CREB5: variants seen among roughly 807,000 people sequenced by gnomAD.
The protein encoded by CREB5 is cyclic AMP-responsive element-binding protein 5.
In CREB5, 19 loss-of-function variants were observed where a neutral mutation model predicts 57.1. That is an observed-to-expected ratio of 0.33 (90% CI 0.23 to 0.49). The LOEUF (loss-of-function observed/expected upper bound fraction) is 0.49, where lower values mean the gene tolerates loss of function less well. Ranked by LOEUF, CREB5 falls within the 20% of genes least tolerant of loss-of-function variation. The pLI is 0.99. For missense variants in CREB5, 579 were observed against 671.6 expected (o/e 0.86, Z 1.52); for synonymous variants, 238 against 238.3 (o/e 1.00, Z 0.01).
rs909633393 is a variant in CREB5, at chr7:28,823,770, C to T, written c.*4491C>T. ...TAGAAAGCCTTGCACTATTCAGCTC[C>T]CTTAGTGCTTTTTGTCCCTTCCCGA... On this transcript the variant is annotated 3_prime_UTR_variant, in exon 11 of 11. Transcript: ENST00000357727. 1 of 152,516 alleles carries T rather than the reference C, an allele frequency of 6.6e-6. No individual in the cohort carries two copies. Among genetic ancestry groups the T allele is most frequent in the Admixed American group, 6.6e-5 (1 of 15,262 alleles). The allele number at this position is 152,516 out of a possible 1,614,324, so 9.4% of individuals were successfully genotyped here.
At chr7:28,557,078 T>A (rs1794910697) in intron 4 of CREB5, among the ~76,000 whole-genome samples, 1 of 142,296 alleles carries the variant, frequency 7.0e-6, no homozygotes, top group East Asian at 1.9e-4. Context: ...TACAATCTGT[T>A]CCCACCTTTG....
rs144905441 is a variant in CREB5, at chr7:28,473,719, G to A, written c.4-14456G>A. Among the ~76,000 whole-genome samples, 336 of 152,346 alleles carry A rather than the reference G, an allele frequency of 2.2e-3. 4 individuals are homozygous for A. The South Asian group carries it at 0.034, about 16-fold the overall frequency. ...AATGAGGCTGGAAGCAGCCAAGCCC[G>A]GGCAGGGATCTGAGGTCAGTGGATG... On this transcript the variant is annotated intron_variant, in intron 1 of 10. Coordinates refer to ENST00000357727, the MANE Select transcript of CREB5 (RefSeq NM_182898.4).
At chr7:28,379,406 T>G (rs1205342933) in intron 1 of CREB5, among the ~76,000 whole-genome samples, 1 of 152,226 alleles carries the variant, frequency 6.6e-6, no homozygotes, top group Non-Finnish European at 1.5e-5. Context: ...TGAGAGCTAT[T>G]GTCTTTGAGA....
chr7:28,412,970 G>A (rs990915937), intron 1 of CREB5, 53 bp downstream of exon 1: 5 of 1,371,404 alleles, frequency 3.6e-6, no homozygotes, highest in Non-Finnish European at 4.8e-6. Context: ...TTTGCACTTA[G>A]TTAAATAGAA....
intron 1 of CREB5, among the ~76,000 whole-genome samples, chr7:28,371,488 T>C (rs1296709362): frequency 3.5e-5 from 2 of 57,770 alleles, no homozygotes; most frequent in African/African-American, 1.3e-4. Flanking sequence ...GACTACTCCA[T>C]CTCAAAAAAA....
At position 28,488,240 on chromosome 7, in the gene CREB5, C is replaced by T. The variant is rs777874943; in HGVS notation, c.69C>T (p.Cys23=). 6.8e-6 allele frequency: 11 copies of T among 1,613,602 alleles called. No individual in the cohort carries two copies. Among genetic ancestry groups the T allele is most frequent in the South Asian group, 3.3e-5 (3 of 91,036 alleles). ...CGTTTGTCTGCAGTGCCCCAGGCTGCTCCCAGGTGAGTGTGCGGATCCTCC... is the reference window on the plus strand; with the variant it reads ...CGTTTGTCTGCAGTGCCCCAGGCTGTTCCCAGGTGAGTGTGCGGATCCTCC... ...ERPFVCSAPG[C]SQRFPTEDHL... The change falls in exon 2 of 11, where the codon TGC becomes TGT. Residue 23 remains cysteine (C), a synonymous_variant. Transcript: ENST00000357727.
At chr7:28,427,131 C>T (rs765111755) in intron 1 of CREB5, among the ~76,000 whole-genome samples, 3 of 152,296 alleles carry the variant, frequency 2.0e-5, no homozygotes, top group Non-Finnish European at 2.9e-5. Flanking sequence ...ATGAATCCAT[C>T]GCCAAGAGTC....
chr7:28,603,608 A>G (rs1316283319), intron 5 of CREB5, among the ~76,000 whole-genome samples: 1 of 152,238 alleles, frequency 6.6e-6, no homozygotes, highest in Non-Finnish European at 1.5e-5. Flanking sequence ...GTCTTTGTTG[A>G]CAGTGGCTGC....
At position 28,326,648 on chromosome 7, in the gene CREB5, T is replaced by TTACTACCCTA. The variant is rs544882822; in HGVS notation, c.-25+27208_-25+27217dup. On this transcript the variant is annotated intron_variant, in intron 1 of 9. Coordinates refer to the CREB5 transcript ENST00000396299. ...GTGGCCAGAATATCTGTCCTCATGG[T>TTACTACCCTA]TACTACCCTAGACCTTGTGTCTCTG... is the stretch of plus-strand genomic sequence containing the variant. Among the ~76,000 whole-genome samples, 15 of 152,342 alleles carry TTACTACCCTA rather than the reference T, an allele frequency of 9.8e-5. No individual in the cohort carries two copies. The East Asian group carries it at 2.7e-3, about 27-fold the overall frequency.
At chr7:28,463,889 C>A (rs1465428249) in intron 1 of CREB5, among the ~76,000 whole-genome samples, 1 of 152,058 alleles carries the variant, frequency 6.6e-6, no homozygotes, top group Non-Finnish European at 1.5e-5. Context: ...TTTAATGGGT[C>A]CTTTCCAATC....
At chr7:28,449,664 C>A (rs1186013329) in intron 1 of CREB5, among the ~76,000 whole-genome samples, 1 of 152,180 alleles carries the variant, frequency 6.6e-6, no homozygotes, top group Admixed American at 6.5e-5. Flanking sequence ...TATGACTATG[C>A]AATTCGTGTT....
At chr7:28,426,171 C>T (rs1347209826) in intron 1 of CREB5, among the ~76,000 whole-genome samples, 2 of 152,188 alleles carry the variant, frequency 1.3e-5, no homozygotes, top group Non-Finnish European at 2.9e-5. Context: ...TCCTCTCTTG[C>T]TCTACTATGT....
intron 5 of CREB5, among the ~76,000 whole-genome samples, chr7:28,663,781 T>G (rs368196019): frequency 3.5e-4 from 54 of 152,220 alleles, no homozygotes; most frequent in African/African-American, 1.3e-3. Context: ...GTGTTTGTGT[T>G]AATTTATTCT....
chr7:28,399,627 G>GT (rs1787410136), intron 1 of CREB5, among the ~76,000 whole-genome samples: 1 of 152,106 alleles, frequency 6.6e-6, no homozygotes, highest in Non-Finnish European at 1.5e-5. Context: ...ACCATATACA[G>GT]AAATTTGGCC....
chr7:28,476,677 G>A (rs1290417816), intron 1 of CREB5, among the ~76,000 whole-genome samples: 1 of 152,052 alleles, frequency 6.6e-6, no homozygotes, highest in South Asian at 2.1e-4. Flanking sequence ...TTACTTTTCA[G>A]CATTAAAAGC....
chr7:28,626,495 A>AGTG (rs986329258), intron 5 of CREB5, among the ~76,000 whole-genome samples: 4 of 152,136 alleles, frequency 2.6e-5, no homozygotes, highest in Non-Finnish European at 5.9e-5. Context: ...AGGTTAAGTA[A>AGTG]CCTGCCCGTA....
At chr7:28,725,671 GAAAGAAAGA>G (rs1471778578) in intron 7 of CREB5, among the ~76,000 whole-genome samples, 69 of 146,696 alleles carry the variant, frequency 4.7e-4, no homozygotes, top group African/African-American at 8.1e-4. Context: ...AAGAAAGAAA[GAAAGAAAGA>G]AAAGAAAGAA....
At chr7:28,620,354 G>T (rs1797748913) in intron 5 of CREB5, among the ~76,000 whole-genome samples, 1 of 152,038 alleles carries the variant, frequency 6.6e-6, no homozygotes, top group Non-Finnish European at 1.5e-5. Context: ...GAAGAGGGGG[G>T]TGCCACTCAT....
chr7:28,315,488 C>T, intron 1 of CREB5, among the ~76,000 whole-genome samples: 1 of 152,220 alleles, frequency 6.6e-6, no homozygotes, highest in Non-Finnish European at 1.5e-5. Context: ...CAGCCGGGTG[C>T]TGCAGAAAAC....
Sources: allele counts gnomAD v4.1 joint callset (sites outside exome capture counted in the v4.1 genomes callset), GRCh38; gene constraint gnomAD v4.1.1; transcripts MANE v1.5; gene names NCBI Gene and HGNC (gene_info 2026-07-23, HGNC 2026-07-21).